The following CNTNAP2 variants were observed in gnomAD, a reference collection of about 807,000 sequenced individuals.
CNTNAP2 encodes contactin-associated protein-like 2.
In CNTNAP2, 98 loss-of-function variants were observed where a neutral mutation model predicts 155.2. That is an observed-to-expected ratio of 0.63 (90% confidence interval 0.54 to 0.75). CNTNAP2 has a LOEUF of 0.75. Ranked by LOEUF, CNTNAP2 falls within the 30% of genes least tolerant of loss-of-function variation. The probability of loss-of-function intolerance (pLI) is 0.00; values close to 1 mark genes in which losing one functional copy is unlikely to be tolerated. For missense variants in CNTNAP2, 1,727 were observed against 1,688.1 expected (o/e 1.02, Z -0.40); for synonymous variants, 651 against 631.2 (o/e 1.03, Z -0.47).
rs1289726845 is a variant in CNTNAP2, at chr7:148,330,465, G to T, written c.3476-53184G>T. ...GACGGGTGGAGCAGAGGGATGGAGTGGATGGATGAAGTGGACGGATGGAGT... is the reference window on the plus strand; with the variant it reads ...GACGGGTGGAGCAGAGGGATGGAGTTGATGGATGAAGTGGACGGATGGAGT... On this transcript the variant is annotated intron_variant, in intron 21 of 23. Coordinates refer to ENST00000361727, the MANE Select transcript of CNTNAP2 (RefSeq NM_014141.6). Among the ~76,000 whole-genome samples, 3 of 151,470 alleles carry T rather than the reference G, an allele frequency of 2.0e-5. No homozygotes were observed. In the East Asian group the frequency reaches 5.8e-4, roughly 29 times the overall value.
At chr7:147,019,987 A>G (rs1244688990) in intron 3 of CNTNAP2, among the ~76,000 whole-genome samples, 1 of 144,856 alleles carries the variant, frequency 6.9e-6, no homozygotes, top group Non-Finnish European at 1.5e-5. Context: ...ATGGAGTAGT[A>G]TAGATATAGT....
intron 1 of CNTNAP2, among the ~76,000 whole-genome samples, chr7:146,400,111 C>T (rs901268114): frequency 6.6e-6 from 1 of 152,096 alleles, no homozygotes; most frequent in South Asian, 2.1e-4. Context: ...ACCTCCCTCC[C>T]TCCCTCCATC....
chr7:146,680,315 A>G (rs66495927), intron 1 of CNTNAP2, among the ~76,000 whole-genome samples: 16,581 of 152,180 alleles, frequency 0.11, 1,487 homozygotes, highest in African/African-American at 0.24. Context: ...GACACCAAAA[A>G]GCAAACAAAA....
intron 1 of CNTNAP2, among the ~76,000 whole-genome samples, chr7:146,483,282 A>AAAAAAAATAT (rs1178407767): frequency 1.3e-4 from 5 of 39,878 alleles, no homozygotes; most frequent in East Asian, 1.1e-3. Context: ...TCTAAAAAAA[A>AAAAAAAATAT]ATATATATAT....
chr7:147,880,558 A>G (rs1180987721), intron 13 of CNTNAP2, among the ~76,000 whole-genome samples: 2 of 152,004 alleles, frequency 1.3e-5, no homozygotes, highest in African/African-American at 4.8e-5. Context: ...AAGAGGGAGC[A>G]TAGAAAGACG....
At chr7:146,173,446 C>T (rs180781996) in intron 1 of CNTNAP2, among the ~76,000 whole-genome samples, 1 of 151,530 alleles carries the variant, frequency 6.6e-6, no homozygotes, top group Non-Finnish European at 1.5e-5. Flanking sequence ...CAAATAATCC[C>T]CCTCACCTCC....
At chr7:147,955,985 A>G (rs1801011501) in intron 14 of CNTNAP2, among the ~76,000 whole-genome samples, 1 of 152,214 alleles carries the variant, frequency 6.6e-6, no homozygotes, top group Non-Finnish European at 1.5e-5. Flanking sequence ...CAAGAATTCC[A>G]TAGTAAAGTA....
At chr7:147,450,212 A>G (rs1797807576) in intron 10 of CNTNAP2, among the ~76,000 whole-genome samples, 1 of 152,234 alleles carries the variant, frequency 6.6e-6, no homozygotes, top group South Asian at 2.1e-4. Context: ...TAGAGATTAG[A>G]AATATGAGAA....
chr7:146,603,978 A>C (rs1318100007), intron 1 of CNTNAP2, among the ~76,000 whole-genome samples: 2 of 126,098 alleles, frequency 1.6e-5, no homozygotes, highest in Non-Finnish European at 3.3e-5. Flanking sequence ...CCCTAGAAGA[A>C]AACCTAGGCA....
chr7:147,508,886 C>T (rs1205506272), intron 11 of CNTNAP2, among the ~76,000 whole-genome samples: 1 of 152,138 alleles, frequency 6.6e-6, no homozygotes. Flanking sequence ...ACCTCTTTTT[C>T]TTTATAAATT....
At chr7:148,369,542 T>C (rs1445530479) in intron 21 of CNTNAP2, among the ~76,000 whole-genome samples, 2 of 151,990 alleles carry the variant, frequency 1.3e-5, no homozygotes, top group Non-Finnish European at 2.9e-5. Flanking sequence ...TTATCATTAT[T>C]AAGCATTCAT....
chr7:146,461,120 A>G (rs937762397), intron 1 of CNTNAP2, among the ~76,000 whole-genome samples: 3 of 152,000 alleles, frequency 2.0e-5, no homozygotes, highest in African/African-American at 7.2e-5. Flanking sequence ...ATACCTTAAT[A>G]AGGCTGGGCG....
rs1797115724 is a variant in CNTNAP2 at position 147,750,464 on chromosome 7, T to C, written c.2098+111158T>C. On this transcript the variant is annotated intron_variant, in intron 13 of 23. Transcript: ENST00000361727. ...TTCTCTATTGCTTGAATTTTCTCTATAAGTATTTATTATCTGTATGATCAT... is the reference window on the plus strand; with the variant it reads ...TTCTCTATTGCTTGAATTTTCTCTACAAGTATTTATTATCTGTATGATCAT... Among the ~76,000 whole-genome samples, 3 of 152,316 alleles carry C rather than the reference T, an allele frequency of 2.0e-5. No homozygotes were observed. In the South Asian group the frequency reaches 6.2e-4, roughly 32 times the overall value.
chr7:148,016,906 A>G (rs1488844119), intron 15 of CNTNAP2, among the ~76,000 whole-genome samples: 1 of 152,228 alleles, frequency 6.6e-6, no homozygotes, highest in Non-Finnish European at 1.5e-5. Flanking sequence ...TTCTTGACTA[A>G]TAGATGCTAT....
chr7:146,354,493 C>T (rs1794969539), intron 1 of CNTNAP2, among the ~76,000 whole-genome samples: 1 of 150,380 alleles, frequency 6.6e-6, no homozygotes, highest in African/African-American at 2.5e-5. Context: ...CAGTTCACTG[C>T]AGTCTCCACC....
At chr7:147,102,855 T>C (rs773768715) in intron 4 of CNTNAP2, among the ~76,000 whole-genome samples, 4 of 152,066 alleles carry the variant, frequency 2.6e-5, no homozygotes, top group Admixed American at 1.3e-4. Context: ...TGAGATTGAG[T>C]CCACCAGAGT....
chr7:146,342,515 C>T (rs963241474), intron 1 of CNTNAP2, among the ~76,000 whole-genome samples: 29 of 152,016 alleles, frequency 1.9e-4, no homozygotes, highest in Admixed American at 1.9e-3. Context: ...AATATATTTG[C>T]CTTATAAATT....
At chr7:146,577,462 A>G (rs1370075600) in intron 1 of CNTNAP2, among the ~76,000 whole-genome samples, 1 of 152,130 alleles carries the variant, frequency 6.6e-6, no homozygotes, top group Non-Finnish European at 1.5e-5. Context: ...AGTGGTAATA[A>G]TTATCAAGAA....
Position 146,489,316 on chromosome 7 carries a change from G to C in CNTNAP2, c.98-284955G>C, listed in dbSNP as rs554272223. On this transcript the variant is annotated intron_variant, in intron 1 of 23. Coordinates refer to ENST00000361727, the MANE Select transcript of CNTNAP2 (RefSeq NM_014141.6). ...AAAAGATTATATTGAAAATGAGTAG[G>C]AAATCAAGTAGAAATATATAAAGAG... is the stretch of plus-strand genomic sequence containing the variant. Among the ~76,000 whole-genome samples the C allele has an allele frequency of 1.7e-3, 256 of 152,198 alleles. 1 individual carries two copies. The highest frequency in any genetic ancestry group is 5.9e-3 in the African/African-American group (245 of 41,520).
Sources: allele counts gnomAD v4.1 joint callset (sites outside exome capture counted in the v4.1 genomes callset), GRCh38; gene constraint gnomAD v4.1.1; transcripts MANE v1.5; gene names NCBI Gene and HGNC (gene_info 2026-07-23, HGNC 2026-07-21).